The following MATK variants were observed in gnomAD, a reference collection of about 807,000 sequenced individuals.
MATK encodes the protein megakaryocyte-associated tyrosine-protein kinase.
A neutral mutation model predicts 59.8 loss-of-function variants in MATK; 41 were observed. The ratio of observed to expected loss-of-function variants is 0.69; its 90% confidence interval spans 0.53 to 0.89. The LOEUF (loss-of-function observed/expected upper bound fraction) is 0.89. MATK is among the 40% of genes least tolerant of loss of function. MATK has a pLI of 0.00. For synonymous variants in MATK, 308 were observed against 306.1 expected (o/e 1.01, Z -0.06); for missense variants, 593 against 719.6 (o/e 0.82, Z 2.01).
Position 3,785,056 on chromosome 19 carries a change from A to G in MATK, c.72+8T>C, listed in dbSNP as rs768479533. 6.2e-7 allele frequency: 1 copy of G among 1,613,704 alleles called. No homozygotes were observed. The highest frequency in any genetic ancestry group is 8.5e-7 in the Non-Finnish European group (1 of 1,179,700). ...CTCCCCAAGCCCCTGTGGGGAAGTG[A>G]TCTTTACCCGGGGAAGTTCCTCAGC... On this transcript the variant is annotated splice_region_variant and intron_variant, in intron 2 of 13. Transcript: ENST00000310132.
upstream of MATK, chr19:3,789,353 G>A (rs1055101683): frequency 3.9e-6 from 3 of 770,526 alleles, no homozygotes; most frequent in Middle Eastern, 6.8e-4. Flanking sequence ...TGCATGAGAG[G>A]GACATTTAAG....
At chr19:3,790,457 C>A (rs115558831), upstream of MATK, among the ~76,000 whole-genome samples, 7 of 152,314 alleles carry the variant, frequency 4.6e-5, no homozygotes, top group African/African-American at 1.4e-4. Flanking sequence ...CCTTTCACTG[C>A]AAAGCCAAGG....
intron 1 of MATK, among the ~76,000 whole-genome samples, chr19:3,800,971 T>A (rs1040549117): frequency 6.6e-6 from 1 of 152,096 alleles, no homozygotes; most frequent in South Asian, 2.1e-4. Context: ...GCGATTCTCC[T>A]GCCTCAGCCT....
Position 3,778,124 on chromosome 19 carries a change from C to G in MATK, c.*59G>C. 1.3e-6 allele frequency: 2 copies of G among 1,512,176 alleles called. No homozygotes were observed. Among genetic ancestry groups the G allele is most frequent in the Non-Finnish European group, 1.8e-6 (2 of 1,139,528 alleles). The allele number at this position is 1,512,176 out of a possible 1,614,324, so 93.7% of individuals were successfully genotyped here. A position where few individuals can be genotyped will look rare whatever the true frequency, so the allele number is the denominator to read the frequency against. ...ACCCTCCTTGGGCCTGGTCAGTGCCCCCACGCCGCACTCTCCACTCTCTCG... is the reference window on the plus strand; with the variant it reads ...ACCCTCCTTGGGCCTGGTCAGTGCCGCCACGCCGCACTCTCCACTCTCTCG... On this transcript the variant is annotated 3_prime_UTR_variant, in exon 14 of 14. Coordinates refer to ENST00000310132, the MANE Select transcript of MATK (RefSeq NM_139355.3).
At chr19:3,790,796 C>T (rs12609334), upstream of MATK, among the ~76,000 whole-genome samples, 1 of 152,178 alleles carries the variant, frequency 6.6e-6, no homozygotes, top group Non-Finnish European at 1.5e-5. Context: ...TCAAGGACAT[C>T]CCCATACTTC....
At chr19:3,778,481 C>G in intron 13 of MATK, 28 bp downstream of exon 13, 1 of 1,613,822 alleles carries the variant, frequency 6.2e-7, no homozygotes, top group Non-Finnish European at 8.5e-7. Flanking sequence ...TGCCCGGAAC[C>G]CAGTGCCTCC....
chr19:3,793,934 C>T (rs559231530), intron 1 of MATK, among the ~76,000 whole-genome samples: 12 of 152,072 alleles, frequency 7.9e-5, no homozygotes, highest in South Asian at 2.1e-4. Flanking sequence ...GTGTGCCTCC[C>T]GGTGCTTTGT....
intron 8 of MATK, among the ~76,000 whole-genome samples, chr19:3,780,562 G>A (rs188327335): frequency 1.3e-5 from 2 of 149,938 alleles, no homozygotes; most frequent in African/African-American, 2.5e-5. Context: ...AAGTAGCTGG[G>A]ACTACAGGCG....
rs756635155 is a variant in MATK, at chr19:3,779,539, C to T, written c.921G>A (p.Val307=). Residue 307 remains valine, a synonymous_variant, in exon 10 of 14, where the codon GTG becomes GTA. Transcript: ENST00000310132. ...CGCCTGGGCCCCGCCCCACCTTGCTCACGTGCTCCATGACAATGTACAGCC... is the reference window on the plus strand; with the variant it reads ...CGCCTGGGCCCCGCCCCACCTTGCTTACGTGCTCCATGACAATGTACAGCC... ...HQGLYIVMEH[V]SKGNLVNFLR... 3 of 1,611,566 alleles carry T rather than the reference C, an allele frequency of 1.9e-6. No homozygotes were observed. The highest frequency in any genetic ancestry group is 2.2e-5 in the East Asian group (1 of 44,782).
Position 3,779,126 on chromosome 19 carries a change from C to A in MATK, c.1063G>T (p.Ala355Ser). The A allele has an allele frequency of 1.2e-6, 2 of 1,609,544 alleles. No homozygotes were observed. The highest frequency in any genetic ancestry group is 1.7e-6 in the Non-Finnish European group (2 of 1,178,978). Residue 355 changes from alanine to serine, a missense_variant, in exon 12 of 14, where the codon GCC becomes TCC. By Grantham distance (99) the Ala-to-Ser change is moderately conservative. Coordinates refer to ENST00000310132, the MANE Select transcript of MATK (RefSeq NM_139355.3). ...TCCTCTGAGACCAGGATGTTGCGGGCGGCCAGGTCGCGGTGCACAAGCTTC... is the reference window on the plus strand; with the variant it reads ...TCCTCTGAGACCAGGATGTTGCGGGAGGCCAGGTCGCGGTGCACAAGCTTC... ...SKKLVHRDLA[A>S]RNILVSEDLV...
At position 3,779,528 on chromosome 19, in the gene MATK, C is replaced by T. The variant is rs1261105037; in HGVS notation, c.927+5G>A. The T allele has an allele frequency of 7.4e-6, 12 of 1,611,182 alleles. No individual in the cohort carries two copies. The highest frequency in any genetic ancestry group is 1.7e-4 in the Middle Eastern group (1 of 6,012). On this transcript the variant is annotated splice_donor_5th_base_variant and intron_variant, in intron 10 of 13. Transcript: ENST00000310132. ...GGCCCCCTCCCCGCCTGGGCCCCGC[C>T]CCACCTTGCTCACGTGCTCCATGAC... is the stretch of plus-strand genomic sequence containing the variant.
At chr19:3,782,733 A>C in intron 7 of MATK, 1 of 243,110 alleles carries the variant, frequency 4.1e-6, no homozygotes. Context: ...CCTGGGCTGG[A>C]AGGGGGACTC....
chr19:3,797,245 C>G (rs57941446), intron 1 of MATK, among the ~76,000 whole-genome samples: 5 of 136,528 alleles, frequency 3.7e-5, no homozygotes, highest in Admixed American at 3.0e-4. Context: ...CCCACCCCCC[C>G]ACTTTCTACT....
At chr19:3,779,243 C>T in intron 11 of MATK, 56 bp from the exon 12 acceptor site, 1 of 1,546,098 alleles carries the variant, frequency 6.5e-7, no homozygotes, top group East Asian at 2.3e-5. Context: ...ACATTCAGGG[C>T]TCAGAAAGCT....
At chr19:3,790,170 C>T (rs1428672276), upstream of MATK, among the ~76,000 whole-genome samples, 3 of 152,230 alleles carry the variant, frequency 2.0e-5, no homozygotes. Flanking sequence ...ATCACAAAGA[C>T]TCTAGGGCTC....
At chr19:3,791,563 G>A (rs1022529158) in intron 1 of MATK, among the ~76,000 whole-genome samples, 6 of 151,582 alleles carry the variant, frequency 4.0e-5, no homozygotes, top group Admixed American at 2.6e-4. Context: ...GGCTGGTCTC[G>A]AACTCCTGAC....
At chr19:3,792,710 G>A (rs573927192) in intron 1 of MATK, among the ~76,000 whole-genome samples, 4 of 152,148 alleles carry the variant, frequency 2.6e-5, no homozygotes, top group African/African-American at 9.6e-5. Flanking sequence ...TAGAGATGGG[G>A]TTTCACCATG....
In MATK at chr19:3,785,270, C is replaced by G; in HGVS notation, c.-135G>C. The G allele has an allele frequency of 1.3e-6, 2 of 1,516,952 alleles. No homozygotes were observed. Among genetic ancestry groups the G allele is most frequent in the Non-Finnish European group, 1.8e-6 (2 of 1,135,456 alleles). The allele number at this position is 1,516,952 out of a possible 1,614,324, so 94.0% of individuals were successfully genotyped here. ...GGAGCTGGGTGCCACTGGACCGAGC[C>G]TGGTTCTTCCTGTTTTCTGGTTGGT... On this transcript the variant is annotated 5_prime_UTR_variant, in exon 2 of 14. Transcript: ENST00000310132.
At chr19:3,791,095 T>A (rs2037537173), upstream of MATK, among the ~76,000 whole-genome samples, 1 of 152,074 alleles carries the variant, frequency 6.6e-6, no homozygotes, top group African/African-American at 2.4e-5. Context: ...CCCGAGGGGG[T>A]TCTGCTGCTT....
Sources: allele counts gnomAD v4.1 joint callset (sites outside exome capture counted in the v4.1 genomes callset), GRCh38; gene constraint gnomAD v4.1.1; transcripts MANE v1.5; gene names NCBI Gene and HGNC (gene_info 2026-07-23, HGNC 2026-07-21).